GNA13: variants seen among roughly 807,000 people sequenced by gnomAD.
GNA13 encodes the protein G protein subunit alpha 13.
A neutral mutation model predicts 33.5 loss-of-function variants in GNA13; 4 were observed. That is an observed-to-expected ratio of 0.12 (90% CI 0.06 to 0.27). GNA13 has a LOEUF of 0.27. GNA13 is among the 10% of genes least tolerant of loss of function. The probability of loss-of-function intolerance (pLI) is 1.00; values close to 1 mark genes in which losing one functional copy is unlikely to be tolerated. For synonymous variants in GNA13, 176 were observed against 183.8 expected (o/e 0.96, Z 0.34); for missense variants, 319 against 487.2 (o/e 0.65, Z 3.25).
chr17:65,028,213 G>A (rs1198230591), intron 2 of GNA13, among the ~76,000 whole-genome samples: 2 of 152,100 alleles, frequency 1.3e-5, no homozygotes, highest in African/African-American at 4.8e-5. Context: ...GTGACAGAGC[G>A]AGACTCCGTC....
At chr17:65,044,652 A>AG (rs1907589545) in intron 2 of GNA13, among the ~76,000 whole-genome samples, 1 of 152,074 alleles carries the variant, frequency 6.6e-6, no homozygotes, top group African/African-American at 2.4e-5. Context: ...AAAAGGAAAA[A>AG]AAAAAAAGAA....
chr17:65,053,696 G>T lies in GNA13; in HGVS notation c.316C>A (p.Leu106Ile). Residue 106 changes from leucine to isoleucine, a missense_variant, in exon 2 of 4, where the codon CTT becomes ATT. This residue lies in a region of GNA13 where 136 missense variants were observed against 159.3 expected (regional missense o/e 0.85). Coordinates refer to ENST00000439174, the MANE Select transcript of GNA13 (RefSeq NM_006572.6). ...MRVLVDAREK[L>I]HIPWGDNSNQ... ...GAGTTGTCTCCCCAGGGAATATGAA[G>T]CTTCTCTCGAGCATCAACCAGCACC... The T allele has an allele frequency of 6.2e-7, 1 of 1,613,548 alleles. No individual in the cohort carries two copies. The highest frequency in any genetic ancestry group is 8.5e-7 in the Non-Finnish European group (1 of 1,179,530).
In GNA13 at chr17:65,014,251, T is replaced by C. The variant is rs1906286702; in HGVS notation, c.*6A>G. 2.0e-6 allele frequency: 3 copies of C among 1,496,258 alleles called. No homozygotes were observed. The highest frequency in any genetic ancestry group is 2.8e-6 in the Non-Finnish European group (3 of 1,082,240). The allele number at this position is 1,496,258 out of a possible 1,614,324, so 92.7% of individuals were successfully genotyped here. A position where few individuals can be genotyped will look rare whatever the true frequency, so the allele number is the denominator to read the frequency against. On this transcript the variant is annotated 3_prime_UTR_variant, in exon 4 of 4. Transcript: ENST00000439174. This position sits in a 1 kb window ranked among gnomAD's most constrained non-coding sequence, Gnocchi z 5.3. ...AAAGATATTAAAACAGCAAGTCTTT[T>C]GTACATCACTGTAGCATAAGCTGCT...
chr17:65,018,368 T>A, intron 2 of GNA13, 65 bp from the exon 3 acceptor site: 1 of 851,170 alleles, frequency 1.2e-6, no homozygotes. Flanking sequence ...TTACAACAGT[T>A]TACATCATAC....
Position 65,038,526 on chromosome 17 carries a change from C to T in GNA13, c.510+14976G>A, listed in dbSNP as rs545251634. On this transcript the variant is annotated intron_variant, in intron 2 of 3. Coordinates refer to ENST00000439174, the MANE Select transcript of GNA13 (RefSeq NM_006572.6). ...CTCCTGGGCTCAAGGGATGCTCCCA[C>T]CTCAGCTCTGAGTAGCTGGGACCAC... Among the ~76,000 whole-genome samples the T allele has an allele frequency of 2.6e-5, 4 of 152,314 alleles. No homozygotes were observed. The South Asian group carries it at 8.3e-4, about 32-fold the overall frequency.
At chr17:65,024,191 G>A (rs943641744) in intron 2 of GNA13, among the ~76,000 whole-genome samples, 1 of 152,146 alleles carries the variant, frequency 6.6e-6, no homozygotes, top group African/African-American at 2.4e-5. Context: ...GGTTGAGGCT[G>A]CAATGAGCTG....
chr17:65,027,738 T>C (rs1906846112), intron 2 of GNA13, among the ~76,000 whole-genome samples: 3 of 152,186 alleles, frequency 2.0e-5, no homozygotes, highest in African/African-American at 7.2e-5. Flanking sequence ...TAATTTCTCC[T>C]TTACAACAAA....
At chr17:65,030,213 C>T (rs1323782292) in intron 2 of GNA13, among the ~76,000 whole-genome samples, 2 of 152,172 alleles carry the variant, frequency 1.3e-5, no homozygotes, top group African/African-American at 4.8e-5. Flanking sequence ...ACAAATCTTC[C>T]TAACTGCTTT....
chr17:65,022,258 C>T (rs1387560352), intron 2 of GNA13, among the ~76,000 whole-genome samples: 1 of 152,146 alleles, frequency 6.6e-6, no homozygotes, highest in African/African-American at 2.4e-5. Flanking sequence ...CAGGCTACAA[C>T]AGCAGAGGTG....
At chr17:65,031,896 AAG>A (rs1292025516) in intron 2 of GNA13, among the ~76,000 whole-genome samples, 13 of 71,406 alleles carry the variant, frequency 1.8e-4, no homozygotes, top group South Asian at 7.4e-4. Context: ...GAGAGAGAGA[AAG>A]AGAGAGAGAG....
At chr17:65,049,149 G>A (rs1200545256) in intron 2 of GNA13, among the ~76,000 whole-genome samples, 7 of 152,076 alleles carry the variant, frequency 4.6e-5, no homozygotes, top group Non-Finnish European at 8.8e-5. Context: ...TCACTCTGAC[G>A]TTCAAGCTGG....
chr17:65,023,522 C>T (rs529409035), intron 2 of GNA13, among the ~76,000 whole-genome samples: 1 of 152,324 alleles, frequency 6.6e-6, no homozygotes, highest in South Asian at 2.1e-4. Context: ...AGCCTTAGGG[C>T]AGACTTGATT....
chr17:65,050,298 T>C (rs1444772789), intron 2 of GNA13, among the ~76,000 whole-genome samples: 1 of 152,216 alleles, frequency 6.6e-6, no homozygotes. Flanking sequence ...GAATTGATGA[T>C]GACTTTGAGG....
intron 2 of GNA13, among the ~76,000 whole-genome samples, chr17:65,026,217 C>A (rs77938846): frequency 2.0e-5 from 3 of 150,268 alleles, no homozygotes; most frequent in African/African-American, 4.9e-5. Context: ...AAAAAAAAAC[C>A]ATAAGACAAC....
intron 2 of GNA13, among the ~76,000 whole-genome samples, chr17:65,051,363 C>A (rs1004238744): frequency 3.3e-5 from 5 of 152,166 alleles, no homozygotes; most frequent in Admixed American, 1.3e-4. Context: ...TGCCTGTAAT[C>A]CCAGCACTTT....
chr17:65,034,553 C>T (rs1363496724), intron 2 of GNA13, among the ~76,000 whole-genome samples: 1 of 152,096 alleles, frequency 6.6e-6, no homozygotes, highest in African/African-American at 2.4e-5. Context: ...CTGCCTCGGC[C>T]TCCCAAAGTG....
intron 2 of GNA13, among the ~76,000 whole-genome samples, chr17:65,031,902 G>GAA (rs1567821863): frequency 2.3e-4 from 32 of 140,196 alleles, no homozygotes; most frequent in African/African-American, 9.8e-4. Flanking sequence ...GAGAAAGAGA[G>GAA]AGAGAGAGAG....
intron 2 of GNA13, among the ~76,000 whole-genome samples, chr17:65,035,420 C>T (rs1193047812): frequency 6.6e-6 from 1 of 152,178 alleles, no homozygotes. Context: ...CTTATCTCAA[C>T]ATCCAATATC....
chr17:65,018,453 TATA>T, intron 2 of GNA13, 150 bp from the exon 3 acceptor site: 1 of 617,588 alleles, frequency 1.6e-6, no homozygotes, highest in South Asian at 2.0e-5. Context: ...CCTAAAAACA[TATA>T]AAACGTCTGC....
Sources: gnomAD v4.1 joint callset for allele counts (sites outside exome capture counted in the v4.1 genomes callset) on GRCh38, gnomAD v4.1.1 for gene constraint, gnomAD v4.1.1 regional missense constraint, Gnocchi (gnomAD v3.1) non-coding constraint, MANE v1.5 for transcripts, NCBI Gene and HGNC (gene_info 2026-07-23, HGNC 2026-07-21) for gene names.